FAM83G: variants seen among roughly 807,000 people sequenced by gnomAD.
FAM83G encodes the protein scaffolding CK1 anchoring protein G.
In FAM83G, 38 loss-of-function variants were observed where a neutral mutation model predicts 61.5. The ratio of observed to expected loss-of-function variants is 0.62; its 90% CI spans 0.48 to 0.81. FAM83G has a LOEUF of 0.81. Among genes scored for constraint, FAM83G ranks in the 30% least tolerant of loss-of-function variants. The pLI, the probability that FAM83G is intolerant of heterozygous loss-of-function variation, is 0.00. For missense variants in FAM83G, 989 were observed against 1,133.6 expected, an observed-to-expected ratio of 0.87 and a Z score of 1.83; for synonymous variants, 470 against 476.1, an observed-to-expected ratio of 0.99 and a Z score of 0.17.
chr17:18,988,445 C>T lies in FAM83G; in HGVS notation c.523-31G>A, dbSNP rs1048770026. The T allele has an allele frequency of 3.7e-6, 6 of 1,611,346 alleles. No individual in the cohort carries two copies. In the Admixed American group the frequency reaches 6.7e-5, roughly 18 times the overall value. ...AGCAAGAAGAGAGACTAGGGCCTGTCAGACAGTGCAGCAGTGGGGACAGGG... is the reference window on the plus strand; with the variant it reads ...AGCAAGAAGAGAGACTAGGGCCTGTTAGACAGTGCAGCAGTGGGGACAGGG... On this transcript the variant is annotated intron_variant, in intron 2 of 5. Coordinates refer to ENST00000388995, the MANE Select transcript of FAM83G (RefSeq NM_001039999.3).
intron 3 of FAM83G, among the ~76,000 whole-genome samples, chr17:18,983,907 T>C (rs1014265172): frequency 1.3e-5 from 2 of 152,218 alleles, no homozygotes; most frequent in East Asian, 1.9e-4. Context: ...AACTGATACA[T>C]GTCCCCTTTT....
intron 5 of FAM83G, among the ~76,000 whole-genome samples, chr17:18,975,536 A>C (rs1219781794): frequency 1.3e-5 from 2 of 151,478 alleles, no homozygotes. Flanking sequence ...CTAAAAATAC[A>C]AAAAAAAATT....
At chr17:19,001,954 G>A (rs1339146338) in intron 2 of FAM83G, among the ~76,000 whole-genome samples, 2 of 152,174 alleles carry the variant, frequency 1.3e-5, no homozygotes, top group African/African-American at 4.8e-5. Flanking sequence ...TGGAAGTGGA[G>A]GCTGGGTAAT....
At chr17:18,987,284 T>G (rs750225908) in intron 3 of FAM83G, among the ~76,000 whole-genome samples, 21 of 152,226 alleles carry the variant, frequency 1.4e-4, no homozygotes, top group Admixed American at 2.6e-4. Context: ...ATGGGGTATG[T>G]GGCTCCATTC....
intron 2 of FAM83G, among the ~76,000 whole-genome samples, chr17:18,991,422 A>G (rs553353510): frequency 1.3e-5 from 2 of 152,286 alleles, no homozygotes; most frequent in South Asian, 4.1e-4. Flanking sequence ...GAGCTGGCCC[A>G]AGTCAAGAAA....
Position 18,969,584 on chromosome 17 carries a change from C to T in FAM83G, c.*1775G>A. The T allele has an allele frequency of 1.6e-6, 1 of 614,504 alleles. No individual in the cohort carries two copies. The allele number at this position is 614,504 out of a possible 1,614,324, so 38.1% of individuals were successfully genotyped here. ...GTTGAGCCACTAGGCAGTCAGCCCCCCTGCTGGCCCCTCAGGGACTGCCCT... is the reference window on the plus strand; with the variant it reads ...GTTGAGCCACTAGGCAGTCAGCCCCTCTGCTGGCCCCTCAGGGACTGCCCT... On this transcript the variant is annotated 3_prime_UTR_variant, in exon 6 of 6. Transcript: ENST00000388995.
At chr17:18,985,238 T>A (rs1190667278) in intron 3 of FAM83G, among the ~76,000 whole-genome samples, 1 of 152,192 alleles carries the variant, frequency 6.6e-6, no homozygotes, top group Non-Finnish European at 1.5e-5. Context: ...CCTTCACTCT[T>A]CACAGCACCC....
intron 5 of FAM83G, among the ~76,000 whole-genome samples, chr17:18,974,625 C>G (rs1407197082): frequency 6.6e-6 from 1 of 152,238 alleles, no homozygotes; most frequent in East Asian, 1.9e-4. Flanking sequence ...GGGCAGCGTG[C>G]TGACTCCAAT....
At chr17:18,979,800 G>GT in intron 3 of FAM83G, 127 bp from the exon 4 acceptor site, 1 of 1,064,426 alleles carries the variant, frequency 9.4e-7, no homozygotes, top group African/African-American at 1.6e-5. Flanking sequence ...GAAAGAGGCT[G>GT]TAAGGCCTGG....
chr17:19,005,190 A>G (rs573324736), upstream of FAM83G, among the ~76,000 whole-genome samples: 1 of 152,310 alleles, frequency 6.6e-6, no homozygotes, highest in African/African-American at 2.4e-5. Flanking sequence ...AGGCAGGGAT[A>G]GGGCACTGAC....
chr17:18,987,221 C>T (rs2043292663), intron 3 of FAM83G, among the ~76,000 whole-genome samples: 1 of 152,174 alleles, frequency 6.6e-6, no homozygotes, highest in Admixed American at 6.5e-5. Flanking sequence ...GTGCTGAGCC[C>T]AAGGGTCTGG....
intron 2 of FAM83G, among the ~76,000 whole-genome samples, chr17:18,998,926 A>G (rs938429689): frequency 1.3e-5 from 2 of 152,162 alleles, no homozygotes; most frequent in Admixed American, 6.5e-5. Flanking sequence ...TGTTCTTGTG[A>G]GTCCCCGTCC....
chr17:18,980,344 G>A (rs1190800438), intron 3 of FAM83G, among the ~76,000 whole-genome samples: 2 of 152,110 alleles, frequency 1.3e-5, no homozygotes, highest in East Asian at 1.9e-4. Context: ...ATTCTGTGCC[G>A]GCTTACACTG....
chr17:18,993,172 CCCCTCTCCCCGACGCTTCCTGAT>C (rs1287819006), intron 2 of FAM83G, among the ~76,000 whole-genome samples: 3 of 152,132 alleles, frequency 2.0e-5, no homozygotes, highest in Non-Finnish European at 4.4e-5. Context: ...CGCATCCTGA[CCCCTCTCCCCGACGCTTCCTGAT>C]CCCTCTCCCC....
At position 18,978,314 on chromosome 17, in the gene FAM83G, T is replaced by A; in HGVS notation, c.1352A>T (p.Asp451Val). Residue 451 changes from aspartate (D) to valine (V), a missense_variant, in exon 5 of 6, where the codon GAC becomes GTC. Physicochemically the swap from Asp to Val is radical, Grantham distance 152 (BLOSUM62 -3). This residue lies in a region of FAM83G where 574 missense variants were observed against 645.1 expected (regional missense o/e 0.89). Transcript: ENST00000388995. ...PSQMNRIKIR[D>V]TSQASAQHQL... is the part of the protein sequence containing the mutation. ...GTGCTGGGCGCTGGCCTGGGAGGTGTCACGGATCTTGATGCGGTTCATCTG... is the reference window on the plus strand; with the variant it reads ...GTGCTGGGCGCTGGCCTGGGAGGTGACACGGATCTTGATGCGGTTCATCTG... The A allele has an allele frequency of 6.2e-7, 1 of 1,609,342 alleles. No individual in the cohort carries two copies. Among genetic ancestry groups the A allele is most frequent in the Non-Finnish European group, 8.5e-7 (1 of 1,178,098 alleles).
At chr17:18,979,315 A>T (rs1420049573) in intron 4 of FAM83G, 1 of 580,034 alleles carries the variant, frequency 1.7e-6, no homozygotes, top group Non-Finnish European at 3.0e-6. Context: ...GCCTGGCCAC[A>T]CCCCACCTCC....
intron 3 of FAM83G, among the ~76,000 whole-genome samples, chr17:18,980,048 T>C (rs1597853400): frequency 6.6e-6 from 1 of 151,404 alleles, no homozygotes; most frequent in Non-Finnish European, 1.5e-5. Context: ...AGCGGGAGGG[T>C]GATGTGCACA....
At position 19,003,579 on chromosome 17, in the gene FAM83G, T is replaced by C. The variant is rs777299146; in HGVS notation, c.463A>G (p.Ile155Val). The part of the protein sequence containing the change: ...TRASVYMQPP[I>V]DGQAHIKEVV... Reference sequence around the variant, plus strand: ...TCTTTGATGTGGGCCTGCCCGTCTATGGGGGGCTGCATGTAGACGCTAGCC... The same window carrying C: ...TCTTTGATGTGGGCCTGCCCGTCTACGGGGGGCTGCATGTAGACGCTAGCC... Residue 155 changes from isoleucine to valine, a missense_variant, in exon 2 of 6, where the codon ATA becomes GTA. Ile to Val is a conservative substitution (Grantham distance 29). This residue lies in a region of FAM83G where 371 missense variants were observed against 404.5 expected (regional missense o/e 0.92). Coordinates refer to ENST00000388995, the MANE Select transcript of FAM83G (RefSeq NM_001039999.3). The surrounding 1 kb of genome is among the most constrained non-coding windows in gnomAD (Gnocchi z 4.5). 8.8e-6 allele frequency: 14 copies of C among 1,597,270 alleles called. No homozygotes were observed. Among genetic ancestry groups the C allele is most frequent in the Admixed American group, 1.7e-5 (1 of 57,240 alleles).
Position 18,970,542 on chromosome 17 carries a change from GGGCCACA to G in FAM83G, c.*810_*816del. 1 of 174,634 alleles carries G rather than the reference GGGCCACA, an allele frequency of 5.7e-6. No individual in the cohort carries two copies. The highest frequency in any genetic ancestry group is 1.3e-4 in the South Asian group (1 of 7,502). The allele number at this position is 174,634 out of a possible 1,614,324, so 10.8% of individuals were successfully genotyped here. A position where few individuals can be genotyped will look rare whatever the true frequency, so the allele number is the denominator to read the frequency against. ...CCTCTTCTCTGTGCCTCAGGGGGTGGGGCCACATCACCACCAGCCACTCTCAGCTCTG... is the reference window on the plus strand; with the variant it reads ...CCTCTTCTCTGTGCCTCAGGGGGTGGTCACCACCAGCCACTCTCAGCTCTG... On this transcript the variant is annotated 3_prime_UTR_variant, in exon 6 of 6. Coordinates refer to ENST00000388995, the MANE Select transcript of FAM83G (RefSeq NM_001039999.3).
Sources: gnomAD v4.1 joint callset for allele counts (sites outside exome capture counted in the v4.1 genomes callset) on GRCh38, gnomAD v4.1.1 for gene constraint, gnomAD v4.1.1 regional missense constraint, Gnocchi (gnomAD v3.1) non-coding constraint, MANE v1.5 for transcripts, NCBI Gene and HGNC (gene_info 2026-07-23, HGNC 2026-07-21) for gene names.